HEMK2: variants seen among roughly 807,000 people sequenced by gnomAD.
HEMK2 encodes methyltransferase HEMK2.
the HEMK2 span, among the ~76,000 whole-genome samples, chr21:28,615,243 G>A: frequency 6.6e-6 from 1 of 152,090 alleles, no homozygotes; most frequent in Non-Finnish European, 1.5e-5. Context: ...ATGCTGGAAG[G>A]AAGAAAGGAA....
At chr21:28,628,916 A>G in the HEMK2 span, among the ~76,000 whole-genome samples, 1 of 152,234 alleles carries the variant, frequency 6.6e-6, no homozygotes, top group African/African-American at 2.4e-5. Context: ...TTGAGCTTGC[A>G]GTATTAAAGC....
At chr21:28,796,964 T>C in the HEMK2 span, among the ~76,000 whole-genome samples, 1 of 152,206 alleles carries the variant, frequency 6.6e-6, no homozygotes, top group African/African-American at 2.4e-5. Flanking sequence ...GGTCACTATT[T>C]TGTATATTTA....
chr21:28,651,574 A>T, the HEMK2 span, among the ~76,000 whole-genome samples: 1 of 152,234 alleles, frequency 6.6e-6, no homozygotes, highest in Admixed American at 6.5e-5. Flanking sequence ...ATCAAAATTA[A>T]TACCTATCAC....
the HEMK2 span, among the ~76,000 whole-genome samples, chr21:28,806,033 G>A: frequency 1.3e-5 from 2 of 152,148 alleles, no homozygotes; most frequent in Non-Finnish European, 2.9e-5. Flanking sequence ...ATGTCCCATG[G>A]CATAGTGTCT....
At chr21:28,874,095 C>T in the HEMK2 span, 1 of 152,210 alleles carries the variant, frequency 6.6e-6, no homozygotes, top group African/African-American at 2.4e-5. Flanking sequence ...GGTGTTATTA[C>T]TGTCTTCAAA....
chr21:28,589,199 T>C, the HEMK2 span, among the ~76,000 whole-genome samples: 1 of 152,102 alleles, frequency 6.6e-6, no homozygotes, highest in Non-Finnish European at 1.5e-5. Context: ...GGCAATTTTT[T>C]AGGGAAGTGA....
the HEMK2 span, among the ~76,000 whole-genome samples, chr21:28,710,257 C>T: frequency 6.6e-6 from 1 of 152,148 alleles, no homozygotes; most frequent in East Asian, 1.9e-4. Context: ...AAATTTCACT[C>T]CCTTGGACTT....
chr21:28,702,675 G>T, the HEMK2 span, among the ~76,000 whole-genome samples: 1 of 152,042 alleles, frequency 6.6e-6, no homozygotes, highest in Non-Finnish European at 1.5e-5. Context: ...TCTAGTGAGG[G>T]TGCAGGGAAA....
chr21:28,581,060 G>A, the HEMK2 span, among the ~76,000 whole-genome samples: 1 of 152,032 alleles, frequency 6.6e-6, no homozygotes, highest in African/African-American at 2.4e-5. Context: ...AAACAGTAAA[G>A]GGTCAGTATC....
chr21:28,637,595 G>T, the HEMK2 span, among the ~76,000 whole-genome samples: 1 of 152,180 alleles, frequency 6.6e-6, no homozygotes, highest in Non-Finnish European at 1.5e-5. Context: ...AAAACTTTCA[G>T]TCAACACTTG....
chr21:28,814,188 G>A, the HEMK2 span, among the ~76,000 whole-genome samples: 3 of 152,090 alleles, frequency 2.0e-5, no homozygotes, highest in Non-Finnish European at 1.5e-5. Context: ...AGTGAGCCGA[G>A]ATCATGCCAC....
chr21:28,814,051 C>T, the HEMK2 span, among the ~76,000 whole-genome samples: 5 of 152,108 alleles, frequency 3.3e-5, no homozygotes, highest in Admixed American at 6.6e-5. Context: ...TCCTGGCCAA[C>T]ATGGTGAAAC....
At chr21:28,668,304 A>G in the HEMK2 span, among the ~76,000 whole-genome samples, 1 of 152,204 alleles carries the variant, frequency 6.6e-6, no homozygotes, top group Non-Finnish European at 1.5e-5. Context: ...AGCAATACCA[A>G]AATCTCATTG....
chr21:28,806,412 G>T, the HEMK2 span, among the ~76,000 whole-genome samples: 1 of 152,138 alleles, frequency 6.6e-6, no homozygotes, highest in Non-Finnish European at 1.5e-5. Flanking sequence ...GTATGAACCT[G>T]ATACGGATTA....
chr21:28,576,429 G>T, the HEMK2 span, among the ~76,000 whole-genome samples: 1 of 151,476 alleles, frequency 6.6e-6, no homozygotes, highest in Non-Finnish European at 1.5e-5. Flanking sequence ...TTTAAATTAG[G>T]TTTGTCTTTT....
the HEMK2 span, among the ~76,000 whole-genome samples, chr21:28,604,990 A>G: frequency 2.6e-5 from 4 of 152,234 alleles, no homozygotes; most frequent in South Asian, 6.2e-4. Context: ...CTAAATCTGC[A>G]CTGACCACGT....
chr21:28,701,857 A>G, the HEMK2 span, among the ~76,000 whole-genome samples: 1 of 152,152 alleles, frequency 6.6e-6, no homozygotes, highest in Non-Finnish European at 1.5e-5. Flanking sequence ...GAACCAAAAA[A>G]GAGCTCAAAT....
At chr21:28,607,410 C>CA in the HEMK2 span, among the ~76,000 whole-genome samples, 373 of 147,478 alleles carry the variant, frequency 2.5e-3, 2 homozygotes, top group Middle Eastern at 0.01. Context: ...GACTCCATCT[C>CA]AAAAAAAAAA....
chr21:28,650,205 G>A, the HEMK2 span, among the ~76,000 whole-genome samples: 1 of 152,276 alleles, frequency 6.6e-6, no homozygotes, highest in East Asian at 1.9e-4. Flanking sequence ...GACTAGCCTG[G>A]CCAACATAGT....
Sources: gnomAD v4.1 joint callset for allele counts (sites outside exome capture counted in the v4.1 genomes callset) on GRCh38, gnomAD v4.1.1 for gene constraint, MANE v1.5 for transcripts, NCBI Gene and HGNC (gene_info 2026-07-23, HGNC 2026-07-21) for gene names.